The following KLHL22 variants were observed in gnomAD, a reference collection of about 807,000 sequenced individuals.
KLHL22 encodes kelch-like protein 22.
Under a neutral mutation model 60.7 loss-of-function variants are expected in KLHL22, and 18 were observed. The observed-to-expected ratio is 0.30, with a 90% CI of 0.20 to 0.44. The LOEUF (loss-of-function observed/expected upper bound fraction) is 0.44, where lower values mean the gene tolerates loss of function less well. Ranked by LOEUF, KLHL22 falls within the 20% of genes least tolerant of loss-of-function variation. The pLI is 1.00. For missense variants in KLHL22, 596 were observed against 852.3 expected, an observed-to-expected ratio of 0.70 and a Z score of 3.74; for synonymous variants, 355 against 354.5, an observed-to-expected ratio of 1.00 and a Z score of -0.01.
chr22:20,479,904 G>A (rs1237889688), intron 2 of KLHL22, among the ~76,000 whole-genome samples: 2 of 152,148 alleles, frequency 1.3e-5, no homozygotes, highest in Non-Finnish European at 2.9e-5. Flanking sequence ...GCACACCCAT[G>A]TTCATAGCAG....
intron 5 of KLHL22, chr22:20,451,729 G>C (rs1031029126): frequency 4.8e-5 from 76 of 1,567,182 alleles, no homozygotes; most frequent in Non-Finnish European, 6.0e-5. Flanking sequence ...AAGTAGCATT[G>C]AATGTTACAA....
intron 3 of KLHL22, among the ~76,000 whole-genome samples, chr22:20,468,665 GTTTT>G (rs796493334): frequency 6.6e-6 from 1 of 151,404 alleles, no homozygotes; most frequent in African/African-American, 2.4e-5. Flanking sequence ...GAAGAAGCCT[GTTTT>G]TTTTTGTTTG....
intron 5 of KLHL22, among the ~76,000 whole-genome samples, chr22:20,456,012 T>C (rs2053057598): frequency 6.6e-6 from 1 of 152,198 alleles, no homozygotes; most frequent in South Asian, 2.1e-4. Context: ...ACACTTATCT[T>C]CGTTAATGCA....
intron 2 of KLHL22, among the ~76,000 whole-genome samples, chr22:20,486,182 A>G (rs543759492): frequency 1.8e-4 from 27 of 151,790 alleles, no homozygotes; most frequent in South Asian, 1.7e-3. Context: ...AAAAAAAAAA[A>G]AAAGAAATTT....
intron 2 of KLHL22, chr22:20,483,711 G>A: frequency 1.4e-6 from 1 of 736,068 alleles, no homozygotes; most frequent in Non-Finnish European, 2.5e-6. Flanking sequence ...GGTCCTCGAT[G>A]GTCTTGAAGT....
intron 5 of KLHL22, among the ~76,000 whole-genome samples, chr22:20,452,056 G>A (rs1252841146): frequency 6.6e-6 from 1 of 152,154 alleles, no homozygotes; most frequent in Middle Eastern, 3.4e-3. Context: ...TTGAATGGAT[G>A]TGAGAGACCA....
chr22:20,488,265 C>A (rs189653534), intron 2 of KLHL22, among the ~76,000 whole-genome samples: 231 of 152,224 alleles, frequency 1.5e-3, no homozygotes, highest in Non-Finnish European at 2.2e-3. Flanking sequence ...TGCTGGGGAC[C>A]ACGAGTGGCC....
chr22:20,467,815 C>T (rs953573984), intron 3 of KLHL22, among the ~76,000 whole-genome samples: 36 of 152,230 alleles, frequency 2.4e-4, no homozygotes, highest in African/African-American at 8.2e-4. Flanking sequence ...CCCGCCACCA[C>T]GCCCGGCTAA....
intron 4 of KLHL22, among the ~76,000 whole-genome samples, chr22:20,464,344 C>A (rs1381008951): frequency 3.3e-5 from 5 of 152,190 alleles, no homozygotes; most frequent in African/African-American, 1.2e-4. Flanking sequence ...GGCTGAAGAC[C>A]GCATGCTGCT....
At chr22:20,488,921 C>A in intron 2 of KLHL22, 64 bp downstream of exon 2, 5 of 1,480,104 alleles carry the variant, frequency 3.4e-6, no homozygotes, top group Non-Finnish European at 4.6e-6. Flanking sequence ...ACCGCCAGTA[C>A]CTTTACTAGC....
intron 5 of KLHL22, among the ~76,000 whole-genome samples, chr22:20,455,282 G>A (rs2053045393): frequency 6.6e-6 from 1 of 152,172 alleles, no homozygotes; most frequent in Non-Finnish European, 1.5e-5. Flanking sequence ...TCTCCCTCCA[G>A]CTCCACAGCT....
At position 20,465,437 on chromosome 22, in the gene KLHL22, T is replaced by C; in HGVS notation, c.533A>G (p.Asn178Ser). 1.2e-6 allele frequency: 2 copies of C among 1,613,866 alleles called. No individual in the cohort carries two copies. The highest frequency in any genetic ancestry group is 1.7e-6 in the Non-Finnish European group (2 of 1,179,890). ...GTCAGTCCGAGAGAAGGCCACAAAG[T>C]TTTTGAGGATATAGGTGTCCAGTTG... The part of the protein sequence containing the change: ...TEQLDTYILK[N>S]FVAFSRTDKY... The change falls in exon 4 of 7, where the codon AAC (asparagine) becomes AGC (serine). Residue 178 changes from asparagine to serine, a missense_variant. By Grantham distance (46) the Asn-to-Ser change is conservative. Coordinates refer to ENST00000328879, the MANE Select transcript of KLHL22 (RefSeq NM_032775.4). The surrounding 1 kb of genome is among the most constrained non-coding windows in gnomAD (Gnocchi z 4.9).
At chr22:20,453,712 A>T (rs917236699) in intron 5 of KLHL22, among the ~76,000 whole-genome samples, 1 of 152,164 alleles carries the variant, frequency 6.6e-6, no homozygotes, top group Non-Finnish European at 1.5e-5. Flanking sequence ...AAATTAAAAA[A>T]TTTATTTTAT....
At chr22:20,462,150 G>T (rs1411394725) in intron 4 of KLHL22, among the ~76,000 whole-genome samples, 2 of 150,946 alleles carry the variant, frequency 1.3e-5, no homozygotes, top group African/African-American at 4.9e-5. Flanking sequence ...GGTGGTCGGC[G>T]CCTGTAATCC....
chr22:20,477,837 A>G (rs2053438496), intron 2 of KLHL22, among the ~76,000 whole-genome samples: 2 of 152,230 alleles, frequency 1.3e-5, no homozygotes, highest in African/African-American at 4.8e-5. Flanking sequence ...CTCCCACCTC[A>G]GCCTCCCAAA....
chr22:20,462,458 G>A (rs897484062), intron 4 of KLHL22, among the ~76,000 whole-genome samples: 1 of 151,640 alleles, frequency 6.6e-6, no homozygotes, highest in Non-Finnish European at 1.5e-5. Flanking sequence ...GGACTCAAGC[G>A]ATCCTCCTGC....
At chr22:20,470,656 T>C (rs576234410) in intron 3 of KLHL22, among the ~76,000 whole-genome samples, 8 of 151,762 alleles carry the variant, frequency 5.3e-5, no homozygotes, top group Admixed American at 3.9e-4. Flanking sequence ...CTCCAATAAA[T>C]TGAATGAGTG....
At chr22:20,462,276 CA>C (rs361908) in intron 4 of KLHL22, among the ~76,000 whole-genome samples, 22,797 of 114,076 alleles carry the variant, frequency 0.2, 1,883 homozygotes, top group Non-Finnish European at 0.27. Flanking sequence ...GACTCTGTCT[CA>C]AAAAAAAAAA....
At chr22:20,474,727 T>G (rs925574633) in intron 2 of KLHL22, among the ~76,000 whole-genome samples, 6 of 152,224 alleles carry the variant, frequency 3.9e-5, no homozygotes, top group African/African-American at 1.4e-4. Flanking sequence ...TCTACAGGGG[T>G]ATATTTAGGT....
Sources: allele counts gnomAD v4.1 joint callset (sites outside exome capture counted in the v4.1 genomes callset), GRCh38; gene constraint gnomAD v4.1.1; non-coding constraint Gnocchi (gnomAD v3.1); transcripts MANE v1.5; gene names NCBI Gene and HGNC (gene_info 2026-07-23, HGNC 2026-07-21).